Variants in DOCK7 observed in about 807,000 individuals in gnomAD.
DOCK7 encodes the protein dedicator of cytokinesis protein 7.
Under a neutral mutation model 271.0 loss-of-function variants are expected in DOCK7, and 138 were observed. The ratio of observed to expected loss-of-function variants is 0.51; its 90% confidence interval spans 0.44 to 0.59. DOCK7 has a LOEUF of 0.59. DOCK7 is among the 20% of genes least tolerant of loss of function. The probability of loss-of-function intolerance (pLI) is 0.00; values close to 1 mark genes in which losing one functional copy is unlikely to be tolerated. For synonymous variants in DOCK7, 823 were observed against 876.1 expected (o/e 0.94, Z 1.07); for missense variants, 2,066 against 2,592.4 (o/e 0.80, Z 4.41).
In DOCK7 at chr1:62,647,724, C is replaced by T; in HGVS notation, c.785G>A (p.Gly262Asp). 1.9e-6 allele frequency: 3 copies of T among 1,608,424 alleles called. No homozygotes were observed. Among genetic ancestry groups the T allele is most frequent in the Non-Finnish European group, 1.7e-6 (2 of 1,178,110 alleles). ...TAAGCATTTTACAAGAAGTCTTTGACCAAAATGTTCTTTGGGTATATCAGG... is the reference window on the plus strand; with the variant it reads ...TAAGCATTTTACAAGAAGTCTTTGATCAAAATGTTCTTTGGGTATATCAGG... ...SVPDIPKEHF[G>D]QRLLVKCLSL... Residue 262 changes from glycine to aspartate, a missense_variant, in exon 7 of 50, where the codon GGT (glycine) becomes GAT (aspartate). By Grantham distance (94) the Gly-to-Asp change is moderately conservative. Transcript: ENST00000635253.
chr1:62,553,789 T>C (rs754914659), intron 21 of DOCK7, among the ~76,000 whole-genome samples: 4 of 150,142 alleles, frequency 2.7e-5, no homozygotes, highest in Non-Finnish European at 6.0e-5. Context: ...TATAATTGTA[T>C]ATTACACATA....
intron 6 of DOCK7, 103 bp from the exon 7 acceptor site, chr1:62,647,879 A>C: frequency 2.1e-6 from 2 of 933,814 alleles, no homozygotes. Context: ...TAGTCTTCAC[A>C]ATAGAACATA....
intron 37 of DOCK7, among the ~76,000 whole-genome samples, chr1:62,497,065 A>G (rs1396290606): frequency 6.6e-6 from 1 of 152,138 alleles, no homozygotes; most frequent in Non-Finnish European, 1.5e-5. Flanking sequence ...TGGTGATAAT[A>G]TATCAATTGT....
At chr1:62,625,505 A>G in intron 11 of DOCK7, 104 bp from the exon 12 acceptor site, 1 of 1,142,530 alleles carries the variant, frequency 8.8e-7, no homozygotes, top group Non-Finnish European at 1.2e-6. Flanking sequence ...AAAATTACCC[A>G]CTCAGCATAT....
intron 11 of DOCK7, among the ~76,000 whole-genome samples, chr1:62,629,838 C>T (rs1363431140): frequency 6.6e-6 from 1 of 152,204 alleles, no homozygotes; most frequent in Non-Finnish European, 1.5e-5. Context: ...TTTCTGGTCA[C>T]AAAAACTTAA....
rs538472469 is a variant in DOCK7, at chr1:62,553,507, T to C, written c.2597-606A>G. On this transcript the variant is annotated intron_variant, in intron 21 of 49. Coordinates refer to ENST00000635253, the MANE Select transcript of DOCK7 (RefSeq NM_001367561.1). ...CCTCAGCCTCCTGAGTAGCTAGGAC[T>C]ACAGGCACACACCACCATGCCCGGG... Among the ~76,000 whole-genome samples the C allele has an allele frequency of 3.2e-4, 48 of 150,116 alleles. 1 individual carries two copies. Among genetic ancestry groups the C allele is most frequent in the Admixed American group, 1.1e-3 (16 of 15,054 alleles).
At chr1:62,585,214 T>C (rs1340524821) in intron 15 of DOCK7, among the ~76,000 whole-genome samples, 2 of 152,192 alleles carry the variant, frequency 1.3e-5, no homozygotes, top group Non-Finnish European at 2.9e-5. Flanking sequence ...CAAAGATGAA[T>C]AATTTGTGCT....
At position 62,537,953 on chromosome 1, in the gene DOCK7, G is replaced by T. The variant is rs1005951699; in HGVS notation, c.3409C>A (p.Pro1137Thr). Residue 1137 changes from proline to threonine, a missense_variant, in exon 28 of 50, where the codon CCC (proline) becomes ACC (threonine). Physicochemically the swap from Pro to Thr is conservative, Grantham distance 38. Around this residue, in one of 2 missense-constraint regions of DOCK7, gnomAD observed 1,414 missense variants for 1,670.4 expected, o/e 0.85. Transcript: ENST00000635253. ...GCAGGTGGAGTAAGTAAGCTGCAGG[G>T]TAAGTTTAATGTAACATAGTGCTCA... ...SHEHYVTLNL[P>T]CSLLTPPASP... 21 of 1,613,880 alleles carry T rather than the reference G, an allele frequency of 1.3e-5. No homozygotes were observed. The highest frequency in any genetic ancestry group is 1.8e-5 in the Non-Finnish European group (21 of 1,179,936).
chr1:62,605,458 G>A (rs1466030998), intron 14 of DOCK7: 1 of 152,828 alleles, frequency 6.5e-6, no homozygotes, highest in Non-Finnish European at 1.5e-5. Flanking sequence ...AACAAATGGA[G>A]ATGACTACTA....
intron 40 of DOCK7, among the ~76,000 whole-genome samples, chr1:62,493,627 C>T (rs1404848858): frequency 6.6e-6 from 1 of 152,178 alleles, no homozygotes; most frequent in African/African-American, 2.4e-5. Context: ...TGGAGATTCA[C>T]CTTTCCTGAG....
At chr1:62,620,760 T>G (rs1470600246) in intron 12 of DOCK7, among the ~76,000 whole-genome samples, 1 of 151,390 alleles carries the variant, frequency 6.6e-6, no homozygotes, top group African/African-American at 2.4e-5. Flanking sequence ...GGCAGGCGCC[T>G]GCAGTCCCAG....
chr1:62,628,431 C>T (rs750850024), intron 11 of DOCK7: 1 of 152,130 alleles, frequency 6.6e-6, no homozygotes, highest in Non-Finnish European at 1.5e-5. Context: ...AATAAGGGAT[C>T]TAAGAAAATT....
At chr1:62,579,976 A>G (rs1357892840) in intron 16 of DOCK7, among the ~76,000 whole-genome samples, 1 of 152,148 alleles carries the variant, frequency 6.6e-6, no homozygotes, top group Non-Finnish European at 1.5e-5. Context: ...TAATCCCAAG[A>G]GGGCACTTTT....
intron 13 of DOCK7, 76 bp downstream of exon 13, chr1:62,619,824 A>G: frequency 1.2e-6 from 1 of 842,656 alleles, no homozygotes; most frequent in South Asian, 2.0e-5. Context: ...AAAAAAAAAG[A>G]TACATAATTA....
intron 46 of DOCK7, 146 bp from the exon 47 acceptor site, chr1:62,475,497 G>GAA: frequency 1.0e-5 from 9 of 893,096 alleles, no homozygotes; most frequent in Non-Finnish European, 1.4e-5. Flanking sequence ...ATTCCTAAAT[G>GAA]AAAAAAAAAA....
At chr1:62,507,805 TTTATAATTA>T (rs1340063762) in intron 35 of DOCK7, among the ~76,000 whole-genome samples, 148 bp downstream of exon 35, 5 of 152,234 alleles carry the variant, frequency 3.3e-5, no homozygotes, top group African/African-American at 1.2e-4. Context: ...GCTATGGGAA[TTTATAATTA>T]CAGAGAATCT....
At chr1:62,474,563 T>C (rs1409856825) in intron 47 of DOCK7, among the ~76,000 whole-genome samples, 1 of 150,360 alleles carries the variant, frequency 6.7e-6, no homozygotes, top group East Asian at 2.0e-4. Flanking sequence ...AAATCGTGCA[T>C]GTTTCTAAGA....
intron 1 of DOCK7, among the ~76,000 whole-genome samples, chr1:62,684,117 G>A (rs1001505061): frequency 1.3e-5 from 2 of 151,872 alleles, no homozygotes; most frequent in Non-Finnish European, 2.9e-5. Context: ...ACGAGGACAG[G>A]AGAATCGCCT....
intron 1 of DOCK7, among the ~76,000 whole-genome samples, chr1:62,671,034 C>T (rs1216619424): frequency 2.0e-5 from 3 of 151,898 alleles, no homozygotes; most frequent in Admixed American, 6.6e-5. Flanking sequence ...ACTCCAGACG[C>T]GCTGCCTTAA....
Sources: allele counts gnomAD v4.1 joint callset (sites outside exome capture counted in the v4.1 genomes callset), GRCh38; gene constraint gnomAD v4.1.1; regional missense constraint gnomAD v4.1.1; transcripts MANE v1.5; gene names NCBI Gene and HGNC (gene_info 2026-07-23, HGNC 2026-07-21).